The following ROBO2 variants were observed in gnomAD, a reference collection of about 807,000 sequenced individuals.
The protein encoded by ROBO2 is roundabout guidance receptor 2.
A neutral mutation model predicts 160.8 loss-of-function variants in ROBO2; 53 were observed. The observed-to-expected ratio is 0.33, with a 90% CI of 0.26 to 0.41. The LOEUF (loss-of-function observed/expected upper bound fraction) is 0.41, where lower values mean the gene tolerates loss of function less well. Ranked by LOEUF, ROBO2 falls within the 10% of genes least tolerant of loss-of-function variation. The pLI, the probability that ROBO2 is intolerant of heterozygous loss-of-function variation, is 1.00. For missense variants in ROBO2, 1,577 were observed against 1,722.4 expected (o/e 0.92, Z 1.49); for synonymous variants, 664 against 611.7 (o/e 1.09, Z -1.26).
chr3:77,353,636 G>A (rs1459123417), intron 2 of ROBO2, among the ~76,000 whole-genome samples: 8 of 151,846 alleles, frequency 5.3e-5, no homozygotes, highest in South Asian at 2.1e-4. Flanking sequence ...TCAGCCTCCC[G>A]AGTAGCTGGG....
intron 2 of ROBO2, among the ~76,000 whole-genome samples, chr3:76,648,355 C>T (rs1578865760): frequency 6.6e-6 from 1 of 151,924 alleles, no homozygotes; most frequent in East Asian, 1.9e-4. Flanking sequence ...ATATGGAATA[C>T]TTAAAAGTAA....
intron 1 of ROBO2, among the ~76,000 whole-genome samples, chr3:77,042,657 T>A (rs2064214650): frequency 6.6e-6 from 1 of 152,168 alleles, no homozygotes; most frequent in African/African-American, 2.4e-5. Flanking sequence ...GCAGCAGTAG[T>A]AAGACACCAT....
At chr3:76,980,287 G>A (rs995225606) in intron 2 of ROBO2, among the ~76,000 whole-genome samples, 1 of 152,194 alleles carries the variant, frequency 6.6e-6, no homozygotes, top group South Asian at 2.1e-4. Flanking sequence ...GGCAGAAATA[G>A]CACAGCCACT....
At chr3:76,841,492 C>T (rs183068256) in intron 2 of ROBO2, among the ~76,000 whole-genome samples, 2 of 152,306 alleles carry the variant, frequency 1.3e-5, no homozygotes, top group East Asian at 3.9e-4. Context: ...AGGGCTGGTA[C>T]ATTGCCCCCC....
At chr3:76,617,127 C>G (rs1296414021) in intron 2 of ROBO2, among the ~76,000 whole-genome samples, 2 of 152,012 alleles carry the variant, frequency 1.3e-5, no homozygotes, top group African/African-American at 2.4e-5. Flanking sequence ...AACTAACTAG[C>G]GTGGTCCAAA....
At chr3:76,414,837 C>CA (rs200154456) in intron 2 of ROBO2, among the ~76,000 whole-genome samples, 192 of 148,748 alleles carry the variant, frequency 1.3e-3, no homozygotes, top group African/African-American at 4.6e-3. Flanking sequence ...AAAACAGCAA[C>CA]AAAAAAAATT....
intron 1 of ROBO2, among the ~76,000 whole-genome samples, chr3:77,073,220 A>G (rs2067599001): frequency 1.3e-5 from 2 of 152,234 alleles, no homozygotes; most frequent in Admixed American, 1.3e-4. Context: ...ATAGTCTTTA[A>G]CAGGTTGAAT....
intron 2 of ROBO2, among the ~76,000 whole-genome samples, chr3:76,073,417 G>C (rs1375286230): frequency 6.7e-6 from 1 of 149,816 alleles, no homozygotes; most frequent in South Asian, 2.1e-4. Flanking sequence ...CTCAGCCTCC[G>C]GAGTAGCTGG....
intron 2 of ROBO2, among the ~76,000 whole-genome samples, chr3:76,343,470 T>C (rs1264229320): frequency 6.6e-6 from 1 of 151,892 alleles, no homozygotes; most frequent in Admixed American, 6.6e-5. Flanking sequence ...TAGAATGAAG[T>C]TTTGCACATG....
At chr3:76,211,564 T>C (rs1191870427) in intron 2 of ROBO2, among the ~76,000 whole-genome samples, 1 of 152,194 alleles carries the variant, frequency 6.6e-6, no homozygotes, top group Admixed American at 6.5e-5. Context: ...ATTTTAGAAA[T>C]TCCTTACAAG....
chr3:76,589,822 A>T (rs1183650394), intron 2 of ROBO2, among the ~76,000 whole-genome samples: 1 of 152,194 alleles, frequency 6.6e-6, no homozygotes, highest in South Asian at 2.1e-4. Context: ...GTAATCCAAA[A>T]ATTGAATCAT....
chr3:77,022,948 A>G (rs1035631292), intron 2 of ROBO2, among the ~76,000 whole-genome samples: 9 of 152,084 alleles, frequency 5.9e-5, no homozygotes, highest in Admixed American at 2.0e-4. Flanking sequence ...AATAATTCCC[A>G]TTCTTCCCTC....
chr3:76,867,784 T>C (rs1336723996), intron 2 of ROBO2, among the ~76,000 whole-genome samples: 1 of 152,198 alleles, frequency 6.6e-6, no homozygotes, highest in Non-Finnish European at 1.5e-5. Flanking sequence ...GCTCATTGCA[T>C]GAGCCTTGGG....
intron 2 of ROBO2, among the ~76,000 whole-genome samples, chr3:76,703,178 A>C (rs2093083123): frequency 6.6e-6 from 1 of 152,154 alleles, no homozygotes; most frequent in African/African-American, 2.4e-5. Flanking sequence ...TACTATAAAA[A>C]GACCATGAAA....
At chr3:77,022,802 A>G (rs1211783427) in intron 2 of ROBO2, among the ~76,000 whole-genome samples, 3 of 152,168 alleles carry the variant, frequency 2.0e-5, no homozygotes, top group African/African-American at 7.2e-5. Flanking sequence ...TGTAACATAA[A>G]ATTTACCATT....
At chr3:77,059,059 A>G (rs544887293) in intron 1 of ROBO2, among the ~76,000 whole-genome samples, 1 of 152,278 alleles carries the variant, frequency 6.6e-6, no homozygotes, top group South Asian at 2.1e-4. Context: ...TGAATTTTTA[A>G]GTATTATGAA....
chr3:77,346,485 G>A (rs978158525), intron 2 of ROBO2, among the ~76,000 whole-genome samples: 2 of 151,542 alleles, frequency 1.3e-5, no homozygotes, highest in Non-Finnish European at 2.9e-5. Context: ...CTATCACTGT[G>A]TAACTTGCTG....
At chr3:77,105,838 G>C (rs1275992407) in intron 2 of ROBO2, among the ~76,000 whole-genome samples, 1 of 152,048 alleles carries the variant, frequency 6.6e-6, no homozygotes, top group African/African-American at 2.4e-5. Flanking sequence ...CCCATAAACA[G>C]TATAATTCTG....
chr3:76,846,904 C>A (rs571697589), intron 2 of ROBO2, among the ~76,000 whole-genome samples: 1 of 152,192 alleles, frequency 6.6e-6, no homozygotes, highest in African/African-American at 2.4e-5. Context: ...CCTTGTGATT[C>A]ACATCTTTCC....
Sources: gnomAD v4.1 joint callset for allele counts (sites outside exome capture counted in the v4.1 genomes callset) on GRCh38, gnomAD v4.1.1 for gene constraint, MANE v1.5 for transcripts, NCBI Gene and HGNC (gene_info 2026-07-23, HGNC 2026-07-21) for gene names.